Variants in RYR2 observed in about 807,000 individuals in gnomAD.
The protein encoded by RYR2 is ryanodine receptor 2, also known as cardiac muscle ryanodine receptor-calcium release channel.
Under a neutral mutation model 601.1 loss-of-function variants are expected in RYR2, and 227 were observed. The observed-to-expected ratio is 0.38, with a 90% CI of 0.34 to 0.42. RYR2 has a LOEUF of 0.42. Ranked by LOEUF, RYR2 falls within the 10% of genes least tolerant of loss-of-function variation. The probability of loss-of-function intolerance (pLI) is 1.00; values close to 1 mark genes in which losing one functional copy is unlikely to be tolerated. For missense variants in RYR2, 4,646 were observed against 6,156.5 expected (o/e 0.75, Z 8.21); for synonymous variants, 2,223 against 2,175.1 (o/e 1.02, Z -0.61).
chr1:237,053,713 T>A (rs1436946617), intron 1 of RYR2, among the ~76,000 whole-genome samples: 1 of 152,156 alleles, frequency 6.6e-6, no homozygotes, highest in African/African-American at 2.4e-5. Context: ...TCTGTCTCTA[T>A]GGGTGGGATA....
intron 27 of RYR2, among the ~76,000 whole-genome samples, chr1:237,560,151 G>C (rs1195877581): frequency 6.6e-6 from 1 of 152,214 alleles, no homozygotes; most frequent in Non-Finnish European, 1.5e-5. Flanking sequence ...GCACAGCCCT[G>C]GGCATGAGCA....
intron 29 of RYR2, among the ~76,000 whole-genome samples, chr1:237,586,229 AT>A (rs1674509929): frequency 6.6e-6 from 1 of 152,160 alleles, no homozygotes; most frequent in South Asian, 2.1e-4. Flanking sequence ...TGCCATATTA[AT>A]TTTATCTCTC....
rs749507753 is a variant in RYR2, at chr1:237,613,990, A to T, written c.4911-49A>T. Reference sequence around the variant, plus strand: ...TGATTTCTCCTCTGATTCAGATTTTAAAAAATCATTCATTTCTAATCTTAC... The same window carrying T: ...TGATTTCTCCTCTGATTCAGATTTTTAAAAATCATTCATTTCTAATCTTAC... On this transcript the variant is annotated intron_variant, in intron 36 of 104. Transcript: ENST00000366574. 1.1e-5 allele frequency: 17 copies of T among 1,531,726 alleles called. No homozygotes were observed. In the East Asian group the frequency reaches 1.1e-4, roughly 10 times the overall value. The allele number at this position is 1,531,726 out of a possible 1,614,324, so 94.9% of individuals were successfully genotyped here.
chr1:237,575,725 A>G (rs986895080), intron 29 of RYR2, among the ~76,000 whole-genome samples: 21 of 152,244 alleles, frequency 1.4e-4, no homozygotes, highest in African/African-American at 4.8e-4. Context: ...AAAACCTTTC[A>G]GTACTTTAGC....
chr1:237,795,439 TTAA>T, intron 96 of RYR2, 108 bp downstream of exon 96: 1 of 575,322 alleles, frequency 1.7e-6, no homozygotes, highest in South Asian at 2.3e-5. Flanking sequence ...TATCTGCCTA[TTAA>T]TGTCTCCATT....
chr1:237,201,339 C>G (rs1002126746), intron 1 of RYR2, among the ~76,000 whole-genome samples: 2 of 152,166 alleles, frequency 1.3e-5, no homozygotes, highest in Non-Finnish European at 2.9e-5. Flanking sequence ...ATCTCGACGG[C>G]TATCTGCTTT....
At chr1:237,379,941 A>C (rs1701314102) in intron 8 of RYR2, among the ~76,000 whole-genome samples, 1 of 152,206 alleles carries the variant, frequency 6.6e-6, no homozygotes, top group African/African-American at 2.4e-5. Flanking sequence ...TATAGCAGAA[A>C]CAACAGGAAA....
At chr1:237,586,653 A>G (rs1454702681) in intron 29 of RYR2, among the ~76,000 whole-genome samples, 2 of 151,954 alleles carry the variant, frequency 1.3e-5, no homozygotes, top group South Asian at 2.1e-4. Flanking sequence ...ATCTCTCCAT[A>G]CTTCCTTTGC....
intron 4 of RYR2, among the ~76,000 whole-genome samples, chr1:237,362,642 C>T (rs1370183484): frequency 1.3e-5 from 2 of 152,002 alleles, no homozygotes; most frequent in Admixed American, 1.3e-4. Flanking sequence ...TTAAACGATC[C>T]CTTTGAATGT....
chr1:237,721,321 TTTATCCCTATACAAAGCTCTA>T (rs1689699766), intron 73 of RYR2, among the ~76,000 whole-genome samples: 1 of 152,188 alleles, frequency 6.6e-6, no homozygotes, highest in Non-Finnish European at 1.5e-5. Context: ...TTACAAATCA[TTTATCCCTATACAAAGCTCTA>T]TCTGTCTGTG....
chr1:237,063,593 C>T (rs867663473), intron 1 of RYR2, among the ~76,000 whole-genome samples: 1 of 150,694 alleles, frequency 6.6e-6, no homozygotes, highest in Non-Finnish European at 1.5e-5. Flanking sequence ...TACACACACA[C>T]ACACATACAC....
At chr1:237,376,252 A>T (rs1250925318) in intron 7 of RYR2, among the ~76,000 whole-genome samples, 1 of 152,214 alleles carries the variant, frequency 6.6e-6, no homozygotes, top group African/African-American at 2.4e-5. Context: ...AAGTTAGACT[A>T]TGGTTTATGT....
intron 41 of RYR2, among the ~76,000 whole-genome samples, chr1:237,628,868 TTATC>T (rs990494212): frequency 1.1e-4 from 17 of 152,068 alleles, no homozygotes; most frequent in African/African-American, 4.1e-4. Flanking sequence ...AAGCTTGTCT[TTATC>T]TATTGGGCCT....
At chr1:237,060,078 C>T (rs987906029) in intron 1 of RYR2, among the ~76,000 whole-genome samples, 1 of 152,182 alleles carries the variant, frequency 6.6e-6, no homozygotes, top group African/African-American at 2.4e-5. Flanking sequence ...ATCAGTTCTA[C>T]ATTTCTCTAC....
At chr1:237,361,136 C>T (rs1202605683) in intron 4 of RYR2, among the ~76,000 whole-genome samples, 1 of 152,174 alleles carries the variant, frequency 6.6e-6, no homozygotes, top group Non-Finnish European at 1.5e-5. Context: ...GCCACTGCAC[C>T]CAGACACATA....
chr1:237,556,905 A>C (rs1670958889), intron 27 of RYR2, among the ~76,000 whole-genome samples: 1 of 117,186 alleles, frequency 8.5e-6, no homozygotes, highest in Non-Finnish European at 1.8e-5. Flanking sequence ...AAAAAAAAAA[A>C]AAAACCCTCT....
intron 79 of RYR2, among the ~76,000 whole-genome samples, chr1:237,740,480 T>G (rs1691514425): frequency 6.6e-6 from 1 of 152,168 alleles, no homozygotes; most frequent in South Asian, 2.1e-4. Flanking sequence ...ATTAAAAATT[T>G]TTTTCAGCTA....
intron 1 of RYR2, among the ~76,000 whole-genome samples, chr1:237,206,791 T>C (rs1409072031): frequency 6.6e-6 from 1 of 152,178 alleles, no homozygotes; most frequent in African/African-American, 2.4e-5. Flanking sequence ...CAATCTACTA[T>C]TGGACACTAT....
chr1:237,320,984 A>C (rs1175452287), intron 2 of RYR2, among the ~76,000 whole-genome samples: 1 of 150,062 alleles, frequency 6.7e-6, no homozygotes, highest in East Asian at 1.9e-4. Context: ...TTTTTAAATC[A>C]ATCACAAATG....
Sources: allele counts gnomAD v4.1 joint callset (sites outside exome capture counted in the v4.1 genomes callset), GRCh38; gene constraint gnomAD v4.1.1; transcripts MANE v1.5; gene names NCBI Gene and HGNC (gene_info 2026-07-23, HGNC 2026-07-21).